Variants in ALDH1A2 observed in about 807,000 individuals in gnomAD.
ALDH1A2 encodes the protein aldehyde dehydrogenase 1 family member A2.
In ALDH1A2, 27 loss-of-function variants were observed where a neutral mutation model predicts 60.3. That is an observed-to-expected ratio of 0.45 (90% CI 0.33 to 0.62). The LOEUF (loss-of-function observed/expected upper bound fraction) is 0.62. Among genes scored for constraint, ALDH1A2 ranks in the 20% least tolerant of loss-of-function variants. The probability of loss-of-function intolerance (pLI) is 0.02; values close to 1 mark genes in which losing one functional copy is unlikely to be tolerated. For synonymous variants in ALDH1A2, 289 were observed against 232.4 expected, an observed-to-expected ratio of 1.24 and a Z score of -2.21; for missense variants, 581 against 643.8, an observed-to-expected ratio of 0.90 and a Z score of 1.06.
chr15:57,980,441 G>A (rs928498302), intron 7 of ALDH1A2: 3 of 341,042 alleles, frequency 8.8e-6, no homozygotes, highest in Non-Finnish European at 1.8e-5. Context: ...GAATGAGGCC[G>A]GCTGCAGCTT....
At chr15:57,975,474 A>G (rs1894216391) in intron 7 of ALDH1A2, among the ~76,000 whole-genome samples, 2 of 152,218 alleles carry the variant, frequency 1.3e-5, no homozygotes, top group African/African-American at 4.8e-5. Context: ...TATTTGCATT[A>G]TACTTACCAG....
rs182068220 is a variant in ALDH1A2, at chr15:57,984,028, C to T, written c.798+8677G>A. On this transcript the variant is annotated intron_variant, in intron 7 of 12. Coordinates refer to ENST00000249750, the MANE Select transcript of ALDH1A2 (RefSeq NM_003888.4). ...AAGCATGCTGCACTGAGAAATTATCCTTCCTAAGTACCTCCATTAATATGT... is the reference window on the plus strand; with the variant it reads ...AAGCATGCTGCACTGAGAAATTATCTTTCCTAAGTACCTCCATTAATATGT... 1.5e-3 allele frequency among the ~76,000 whole-genome samples: 228 copies of T among 152,316 alleles called. 1 individual carries two copies. The highest frequency in any genetic ancestry group is 4.4e-3 in the Admixed American group (68 of 15,304).
chr15:58,021,923 G>A (rs1321088838), intron 1 of ALDH1A2, among the ~76,000 whole-genome samples: 3 of 152,212 alleles, frequency 2.0e-5, no homozygotes, highest in Admixed American at 6.5e-5. Flanking sequence ...GCAGGCGGAT[G>A]AGTTAGGTGC....
At chr15:58,058,747 G>A (rs1282011595) in intron 1 of ALDH1A2, among the ~76,000 whole-genome samples, 1 of 152,184 alleles carries the variant, frequency 6.6e-6, no homozygotes, top group African/African-American at 2.4e-5. Flanking sequence ...AGGTCAGACA[G>A]TGATGAGGAA....
At chr15:57,963,456 C>G (rs1893793988) in intron 9 of ALDH1A2, among the ~76,000 whole-genome samples, 1 of 151,888 alleles carries the variant, frequency 6.6e-6, no homozygotes, top group Admixed American at 6.6e-5. Flanking sequence ...TCTCCTACCT[C>G]AGCCTCCCGA....
In ALDH1A2 at chr15:57,963,979, G is replaced by T; in HGVS notation, c.992C>A (p.Ser331Tyr). ...TAGSRIFVEE[S>Y]IYEEFVRRSV... Reference sequence around the variant, plus strand: ...TCTTCTCACAAACTCCTCATAGATGGACTCCTCCACGAAGATGCGAGAGCC... The same window carrying T: ...TCTTCTCACAAACTCCTCATAGATGTACTCCTCCACGAAGATGCGAGAGCC... Residue 331 changes from serine to tyrosine, a missense_variant, in exon 9 of 13, where the codon TCC (serine) becomes TAC (tyrosine). Physicochemically the swap from Ser to Tyr is moderately radical, Grantham distance 144. This residue lies in a region of ALDH1A2 where 375 missense variants were observed against 469.7 expected (regional missense o/e 0.80). Transcript: ENST00000249750. 6.2e-7 allele frequency: 1 copy of T among 1,614,108 alleles called. No individual in the cohort carries two copies. Among genetic ancestry groups the T allele is most frequent in the Non-Finnish European group, 8.5e-7 (1 of 1,180,014 alleles).
At chr15:58,030,220 C>G (rs1416159707) in intron 1 of ALDH1A2, among the ~76,000 whole-genome samples, 1 of 152,180 alleles carries the variant, frequency 6.6e-6, no homozygotes, top group Non-Finnish European at 1.5e-5. Context: ...CCCTGGGATG[C>G]AAGGCTGGTT....
chr15:58,029,482 G>T (rs1303881905), intron 1 of ALDH1A2, among the ~76,000 whole-genome samples: 1 of 151,250 alleles, frequency 6.6e-6, no homozygotes, highest in Non-Finnish European at 1.5e-5. Context: ...ACAATTAAAA[G>T]AACTAGAGAA....
At chr15:58,043,453 T>C (rs937800574) in intron 1 of ALDH1A2, among the ~76,000 whole-genome samples, 1 of 152,030 alleles carries the variant, frequency 6.6e-6, no homozygotes, top group Non-Finnish European at 1.5e-5. Context: ...TGTGATAACA[T>C]AGGTTTGATT....
intron 3 of ALDH1A2, among the ~76,000 whole-genome samples, chr15:58,011,031 A>G (rs1340953909): frequency 6.6e-6 from 1 of 152,198 alleles, no homozygotes. Flanking sequence ...ACGTTAACAC[A>G]ATATTTCTTT....
chr15:57,965,260 C>T (rs1222613231), intron 8 of ALDH1A2, among the ~76,000 whole-genome samples: 1 of 152,132 alleles, frequency 6.6e-6, no homozygotes, highest in Non-Finnish European at 1.5e-5. Context: ...ATGCGAGCAA[C>T]AGAAAGGGGC....
intron 1 of ALDH1A2, among the ~76,000 whole-genome samples, chr15:58,015,728 T>C (rs1351023992): frequency 6.6e-6 from 1 of 152,156 alleles, no homozygotes; most frequent in African/African-American, 2.4e-5. Flanking sequence ...GGCAGGGAGC[T>C]TGAGTCCAAA....
intron 1 of ALDH1A2, among the ~76,000 whole-genome samples, chr15:58,042,094 C>T (rs1896531792): frequency 1.3e-5 from 2 of 151,864 alleles, no homozygotes; most frequent in South Asian, 2.1e-4. Flanking sequence ...GTCCCAACCC[C>T]CTCTCAAATC....
At chr15:58,033,445 ATTTT>A (rs529955448) in intron 1 of ALDH1A2, among the ~76,000 whole-genome samples, 88 of 151,896 alleles carry the variant, frequency 5.8e-4, no homozygotes, top group African/African-American at 2.0e-3. Flanking sequence ...TGCACACTGT[ATTTT>A]TTTGTTTATT....
intron 1 of ALDH1A2, among the ~76,000 whole-genome samples, chr15:58,023,588 C>G (rs1427149061): frequency 2.1e-5 from 3 of 144,348 alleles, no homozygotes; most frequent in Non-Finnish European, 4.5e-5. Flanking sequence ...CCCCATCAAA[C>G]TAACAGCAGA....
intron 1 of ALDH1A2, among the ~76,000 whole-genome samples, chr15:58,028,545 A>G (rs1354887855): frequency 6.6e-6 from 1 of 152,240 alleles, no homozygotes. Flanking sequence ...AAATTCACAC[A>G]TAACAATATT....
At chr15:57,994,555 A>G (rs1393256403) in intron 5 of ALDH1A2, among the ~76,000 whole-genome samples, 1 of 152,190 alleles carries the variant, frequency 6.6e-6, no homozygotes, top group African/African-American at 2.4e-5. Context: ...ACTAAGCACT[A>G]CATCTATTTC....
At chr15:57,971,596 A>T (rs755879194) in intron 7 of ALDH1A2, among the ~76,000 whole-genome samples, 1 of 151,978 alleles carries the variant, frequency 6.6e-6, no homozygotes, top group Non-Finnish European at 1.5e-5. Context: ...CTAATTAAAA[A>T]AAAAAATTGG....
At chr15:57,979,366 G>A (rs1465848994) in intron 7 of ALDH1A2, among the ~76,000 whole-genome samples, 3 of 152,216 alleles carry the variant, frequency 2.0e-5, no homozygotes, top group East Asian at 1.9e-4. Context: ...GCTGACAAAA[G>A]TGGGAAGAGG....
Sources: allele counts gnomAD v4.1 joint callset (sites outside exome capture counted in the v4.1 genomes callset), GRCh38; gene constraint gnomAD v4.1.1; regional missense constraint gnomAD v4.1.1; transcripts MANE v1.5; gene names NCBI Gene and HGNC (gene_info 2026-07-23, HGNC 2026-07-21).